The following SNX3 variants were observed in gnomAD, a reference collection of about 807,000 sequenced individuals.
SNX3 encodes sorting nexin-3.
A neutral mutation model predicts 17.7 loss-of-function variants in SNX3; 5 were observed. That is an observed-to-expected ratio of 0.28 (90% confidence interval 0.15 to 0.59). The LOEUF is 0.59. Ranked by LOEUF, SNX3 falls within the 20% of genes least tolerant of loss-of-function variation. The pLI, the probability that SNX3 is intolerant of heterozygous loss-of-function variation, is 0.88. For synonymous variants in SNX3, 91 were observed against 76.5 expected, an observed-to-expected ratio of 1.19 and a Z score of -0.99; for missense variants, 132 against 206.8, an observed-to-expected ratio of 0.64 and a Z score of 2.22.
intron 1 of SNX3, among the ~76,000 whole-genome samples, chr6:108,224,390 C>T (rs1447391759): frequency 6.6e-6 from 1 of 152,174 alleles, no homozygotes; most frequent in Non-Finnish European, 1.5e-5. Flanking sequence ...ACGCCATTCT[C>T]CTGCCTCAGC....
chr6:108,260,905 GC>G lies in SNX3; in HGVS notation c.16del (p.Ala6LeufsTer6). 1 of 1,606,188 alleles carries G rather than the reference GC, an allele frequency of 6.2e-7. No homozygotes were observed. The highest frequency in any genetic ancestry group is 8.5e-7 in the Non-Finnish European group (1 of 1,176,178). ...CTTGGTGATCAGCCGCCGGGTGTCA[GC>G]CACGGTCTCCGCCATTTCGCTGTAG... MAETV[A>X]DTRRLITKPQ... On this transcript the variant is annotated frameshift_variant, in exon 1 of 4. Coordinates refer to ENST00000230085, the MANE Select transcript of SNX3 (RefSeq NM_003795.6). LOFTEE classifies it high-confidence loss of function.
chr6:108,224,172 T>C (rs1440116085), intron 1 of SNX3, among the ~76,000 whole-genome samples: 10 of 152,200 alleles, frequency 6.6e-5, no homozygotes, highest in African/African-American at 2.4e-5. Flanking sequence ...TCTCACTCCA[T>C]TGCCCAGGCT....
intron 1 of SNX3, among the ~76,000 whole-genome samples, chr6:108,225,399 C>A (rs1007087968): frequency 1.3e-5 from 2 of 151,322 alleles, no homozygotes; most frequent in Non-Finnish European, 2.9e-5. Context: ...GAGTTCAAGA[C>A]CAGCCTGGGC....
chr6:108,241,331 CT>C (rs1225879943), intron 1 of SNX3, among the ~76,000 whole-genome samples: 4 of 151,946 alleles, frequency 2.6e-5, no homozygotes, highest in African/African-American at 7.3e-5. Context: ...ACTGCCTGAA[CT>C]TTGACTTGTT....
intron 1 of SNX3, among the ~76,000 whole-genome samples, chr6:108,233,553 A>T (rs1775232397): frequency 6.6e-6 from 1 of 152,168 alleles, no homozygotes; most frequent in Admixed American, 6.5e-5. Context: ...GTTCGAGACC[A>T]GCCTGGCCAA....
chr6:108,220,964 G>C (rs985585430), intron 2 of SNX3, among the ~76,000 whole-genome samples: 2 of 150,836 alleles, frequency 1.3e-5, no homozygotes, highest in South Asian at 4.2e-4. Flanking sequence ...GTGAGGCTCA[G>C]TCTCAAAAAA....
intron 2 of SNX3, among the ~76,000 whole-genome samples, chr6:108,218,623 A>T (rs1774659446): frequency 6.6e-6 from 1 of 152,274 alleles, no homozygotes; most frequent in Admixed American, 6.5e-5. Flanking sequence ...AATGTCCACC[A>T]AATAAGTGTA....
Position 108,221,532 on chromosome 6 carries a change from C to CTTTTTTTTTTTT in SNX3, c.258+1406_258+1417dup, listed in dbSNP as rs554429322. Among the ~76,000 whole-genome samples the CTTTTTTTTTTTT allele has an allele frequency of 8.7e-5, 5 of 57,782 alleles. 1 individual carries two copies. Among genetic ancestry groups the CTTTTTTTTTTTT allele is most frequent in the Non-Finnish European group, 1.7e-4 (5 of 29,332 alleles). 37.9% of individuals were successfully genotyped at this position (57,782 alleles called of 152,430 possible). A position where few individuals can be genotyped will look rare whatever the true frequency, so the allele number is the denominator to read the frequency against. ...GTATTACAAGGAATACAGTATTACA[C>CTTTTTTTTTTTT]TTTTTTTTTTTTTTTTTTTTTTTTT... On this transcript the variant is annotated intron_variant, in intron 2 of 3. Transcript: ENST00000230085.
intron 1 of SNX3, among the ~76,000 whole-genome samples, chr6:108,232,419 C>T (rs1314996055): frequency 6.6e-6 from 1 of 152,110 alleles, no homozygotes; most frequent in African/African-American, 2.4e-5. Context: ...GAAACTACCA[C>T]ATTATTGGTC....
intron 1 of SNX3, chr6:108,252,087 C>CAAAAAAAAAAAA (rs777979859): frequency 7.7e-6 from 1 of 129,116 alleles, no homozygotes; most frequent in African/African-American, 3.0e-5. Flanking sequence ...ATAAATAAAA[C>CAAAAAAAAAAAA]AAACAAACAA....
intron 1 of SNX3, among the ~76,000 whole-genome samples, chr6:108,242,529 A>G (rs771141280): frequency 7.5e-4 from 115 of 152,334 alleles, no homozygotes; most frequent in Non-Finnish European, 1.0e-3. Context: ...GCTCAAAGAA[A>G]AAAAGAAAAT....
chr6:108,245,086 T>A (rs1327072526), intron 1 of SNX3, among the ~76,000 whole-genome samples: 1 of 152,016 alleles, frequency 6.6e-6, no homozygotes, highest in African/African-American at 2.4e-5. Flanking sequence ...CATTAGGTAT[T>A]TGTCCTAATG....
In SNX3 at chr6:108,211,403, G is replaced by A. The variant is rs1349977732; in HGVS notation, c.*746C>T. 1.3e-5 allele frequency: 2 copies of A among 152,156 alleles called. No individual in the cohort carries two copies. Among genetic ancestry groups the A allele is most frequent in the African/African-American group, 2.4e-5 (1 of 41,416 alleles). The allele number at this position is 152,156 out of a possible 1,614,324, so 9.4% of individuals were successfully genotyped here. On this transcript the variant is annotated 3_prime_UTR_variant, in exon 4 of 4. Transcript: ENST00000230085. The stretch of plus-strand genomic sequence containing the variant: ...ATTTGATATCACCACTGTTTAAAGG[G>A]AATGGAGTTACAGGAATGAGAAGTA...
In SNX3 at chr6:108,223,264, A is replaced by G. The variant is rs529625533; in HGVS notation, c.163-219T>C. 5.9e-5 allele frequency among the ~76,000 whole-genome samples: 9 copies of G among 152,118 alleles called. No homozygotes were observed. In the East Asian group the frequency reaches 1.7e-3, roughly 29 times the overall value. On this transcript the variant is annotated intron_variant, in intron 1 of 3. Coordinates refer to ENST00000230085, the MANE Select transcript of SNX3 (RefSeq NM_003795.6). Reference sequence around the variant, plus strand: ...AATGATTTTTCCGCCTCAGCCTCCCAAGTAGCTGGGATTACAGGCACCCAC... The same window carrying G: ...AATGATTTTTCCGCCTCAGCCTCCCGAGTAGCTGGGATTACAGGCACCCAC...
At chr6:108,220,315 T>G (rs1332487118) in intron 2 of SNX3, among the ~76,000 whole-genome samples, 2 of 152,114 alleles carry the variant, frequency 1.3e-5, no homozygotes, top group African/African-American at 4.8e-5. Flanking sequence ...CAAGCTCCAT[T>G]TATGGTAAGT....
At chr6:108,219,992 A>G (rs1373393403) in intron 2 of SNX3, among the ~76,000 whole-genome samples, 2 of 152,188 alleles carry the variant, frequency 1.3e-5, no homozygotes, top group Non-Finnish European at 2.9e-5. Context: ...TTGTGACTTA[A>G]TTTTTAAGAA....
chr6:108,223,149 CTTTTTT>C (rs373299849), intron 1 of SNX3, 104 bp from the exon 2 acceptor site: 57 of 653,604 alleles, frequency 8.7e-5, no homozygotes, highest in South Asian at 7.5e-4. Flanking sequence ...CTTTCTTTTT[CTTTTTT>C]TGAGACAGAA....
chr6:108,260,019 T>C (rs1776141837), intron 1 of SNX3, among the ~76,000 whole-genome samples: 1 of 152,274 alleles, frequency 6.6e-6, no homozygotes. Flanking sequence ...ATACTAGTTA[T>C]GAAATTAGGT....
rs112099370 is a variant in SNX3, at chr6:108,244,344, A to C, written c.162+16416T>G. On this transcript the variant is annotated intron_variant, in intron 1 of 3. Coordinates refer to ENST00000230085, the MANE Select transcript of SNX3 (RefSeq NM_003795.6). ...CTAATTTTTATTTTTTGTAGAGAGG[A>C]GGGTCTCACTATGTTACCCAGACTG... is the stretch of plus-strand genomic sequence containing the variant. Among the ~76,000 whole-genome samples the C allele has an allele frequency of 1.4e-3, 213 of 152,162 alleles. 2 individuals are homozygous for C. The highest frequency in any genetic ancestry group is 4.9e-3 in the African/African-American group (204 of 41,516).
Sources: gnomAD v4.1 joint callset for allele counts (sites outside exome capture counted in the v4.1 genomes callset) on GRCh38, gnomAD v4.1.1 for gene constraint, MANE v1.5 for transcripts, NCBI Gene and HGNC (gene_info 2026-07-23, HGNC 2026-07-21) for gene names.